The following KCNQ1OT1 variants were observed in gnomAD, a reference collection of about 807,000 sequenced individuals.
The protein encoded by KCNQ1OT1 is KCNQ1 antisense RNA 2 (non-protein coding).
chr11:2,631,456 T>G (rs1849351932), exon 1 of KCNQ1OT1: 2 of 398,312 alleles, frequency 5.0e-6, no homozygotes, highest in East Asian at 3.6e-5. Flanking sequence ...ATTTCTTTAT[T>G]GAATGTCTCC....
At chr11:2,699,612 G>C in exon 1 of KCNQ1OT1, 1 of 354,216 alleles carries the variant, frequency 2.8e-6, no homozygotes, top group South Asian at 1.3e-4. Context: ...AGAGGCCCCC[G>C]GAGAGAACCG....
chr11:2,637,121 C>G (rs1849484439), exon 1 of KCNQ1OT1: 1 of 151,858 alleles, frequency 6.6e-6, no homozygotes, highest in African/African-American at 2.4e-5. Flanking sequence ...TTGATCTTTT[C>G]AAAAAAACCA....
At chr11:2,699,762 C>T (rs534297552) in exon 1 of KCNQ1OT1, 12 of 357,106 alleles carry the variant, frequency 3.4e-5, no homozygotes, top group Non-Finnish European at 9.5e-6. Flanking sequence ...AAGAGCGCCG[C>T]GCTGAGGAGC....
rs1286547460 is a variant in KCNQ1OT1, at chr11:2,645,828, GTTGCCTGAGGATTCAGGGGATGTGTGAA to G, written n.54139_54166del. On this transcript the variant is annotated non_coding_transcript_exon_variant, in exon 1 of 1. Transcript: ENST00000597346. The surrounding 1 kb of genome is among the most constrained non-coding windows in gnomAD (Gnocchi z 5.8). ...GCTATCAAAATGGGACTTTCCTGAA[GTTGCCTGAGGATTCAGGGGATGTGTGAA>G]TTGCCTGAGGATTCAGGGTGATCTC... is the stretch of plus-strand genomic sequence containing the variant. The G allele has an allele frequency of 2.5e-6, 1 of 398,732 alleles. No individual in the cohort carries two copies. The highest frequency in any genetic ancestry group is 3.6e-5 in the East Asian group (1 of 28,078). 24.7% of individuals were successfully genotyped at this position (398,732 alleles called of 1,614,324 possible).
rs1849155098 is a variant in KCNQ1OT1, at chr11:2,620,698, A to G, written n.79297T>C. 1 of 398,452 alleles carries G rather than the reference A, an allele frequency of 2.5e-6. No individual in the cohort carries two copies. The highest frequency in any genetic ancestry group is 1.3e-4 in the South Asian group (1 of 7,866). The allele number at this position is 398,452 out of a possible 1,614,324, so 24.7% of individuals were successfully genotyped here. On this transcript the variant is annotated non_coding_transcript_exon_variant, in exon 1 of 1. Coordinates refer to ENST00000597346, the Ensembl canonical transcript of KCNQ1OT1. The surrounding 1 kb of genome is among the most constrained non-coding windows in gnomAD (Gnocchi z 4.5). ...TAGAACAATTTATTTTCCTTTGAAT[A>G]TATATCCAGTAATGGGATTGCTGGG... is the stretch of plus-strand genomic sequence containing the variant.
exon 1 of KCNQ1OT1, chr11:2,655,144 T>G (rs551300254): frequency 6.0e-5 from 24 of 398,534 alleles, no homozygotes; most frequent in Non-Finnish European, 2.7e-5. Flanking sequence ...GAAAGGAGGA[T>G]GCTGTGCTGA....
rs35931322 is a variant in KCNQ1OT1, at chr11:2,683,128, AG to A, written n.16866del. 231,125 of 398,230 alleles carry A rather than the reference AG, an allele frequency of 0.58. 71,888 individuals carry two copies. Among genetic ancestry groups the A allele is most frequent in the East Asian group, 0.99 (27,891 of 28,068 alleles). The allele number at this position is 398,230 out of a possible 1,614,324, so 24.7% of individuals were successfully genotyped here. On this transcript the variant is annotated non_coding_transcript_exon_variant, in exon 1 of 1. Coordinates refer to ENST00000597346, the Ensembl canonical transcript of KCNQ1OT1. This position sits in a 1 kb window ranked among gnomAD's most constrained non-coding sequence, Gnocchi z 4.7. ...CCAGGATATATCGCACCAACTCAGG[AG>A]GGTGTGGGGATGGGCTAGCATTAGG...
chr11:2,675,598 G>C, exon 1 of KCNQ1OT1: 1 of 398,620 alleles, frequency 2.5e-6, no homozygotes, highest in Middle Eastern at 6.3e-4. Context: ...GATCCCAATT[G>C]CTCCTCAGAT....
exon 1 of KCNQ1OT1, chr11:2,619,697 A>G (rs1283069976): frequency 5.1e-6 from 2 of 392,634 alleles, no homozygotes; most frequent in African/African-American, 2.1e-5. Context: ...GTTAGGAAGT[A>G]TTCCCTTTAG....
At chr11:2,646,328 A>G (rs562928005) in exon 1 of KCNQ1OT1, 7 of 398,378 alleles carry the variant, frequency 1.8e-5, no homozygotes, top group African/African-American at 1.4e-4. Flanking sequence ...TTTTCTTTCA[A>G]TCCATGAGCA....
Position 2,658,571 on chromosome 11 carries a change from C to A in KCNQ1OT1, n.41424G>T. On this transcript the variant is annotated non_coding_transcript_exon_variant, in exon 1 of 1. Transcript: ENST00000597346. This position sits in a 1 kb window ranked among gnomAD's most constrained non-coding sequence, Gnocchi z 4.9. ...CCTAGCCCTAGAATCATCCATTCAT[C>A]CAGAGAGCCCTGGCTCCCTGGAGAA... 2.9e-6 allele frequency: 1 copy of A among 339,408 alleles called. No homozygotes were observed. The highest frequency in any genetic ancestry group is 1.7e-4 in the South Asian group (1 of 5,902). The allele number at this position is 339,408 out of a possible 1,614,324, so 21.0% of individuals were successfully genotyped here.
At chr11:2,688,297 C>G in exon 1 of KCNQ1OT1, 1 of 398,742 alleles carries the variant, frequency 2.5e-6, no homozygotes, top group East Asian at 3.6e-5. Context: ...AAAATGAAGA[C>G]TCTGGAAAAT....
At chr11:2,650,300 G>C in exon 1 of KCNQ1OT1, 2 of 398,344 alleles carry the variant, frequency 5.0e-6, no homozygotes, top group Non-Finnish European at 8.8e-6. Flanking sequence ...GTGTTCTTTT[G>C]GCAAGTCATG....
chr11:2,629,291 T>C, exon 1 of KCNQ1OT1: 1 of 398,392 alleles, frequency 2.5e-6, no homozygotes. Flanking sequence ...GTTTTCAGTG[T>C]CTAGGTCTTT....
At position 2,687,795 on chromosome 11, in the gene KCNQ1OT1, C is replaced by A; in HGVS notation, n.12200G>T. On this transcript the variant is annotated non_coding_transcript_exon_variant, in exon 1 of 1. Transcript: ENST00000597346. The surrounding 1 kb of genome is among the most constrained non-coding windows in gnomAD (Gnocchi z 5.0). ...AGGCCTAACCACACCCCTAAGCCAC[C>A]CAGCCTGGCCCCCCTCCTCTGCCCC... The A allele has an allele frequency of 2.5e-6, 1 of 398,698 alleles. No individual in the cohort carries two copies. The highest frequency in any genetic ancestry group is 2.1e-5 in the African/African-American group (1 of 48,752). 24.7% of individuals were successfully genotyped at this position (398,698 alleles called of 1,614,324 possible). A position where few individuals can be genotyped will look rare whatever the true frequency, so the allele number is the denominator to read the frequency against.
rs866121991 is a variant in KCNQ1OT1, at chr11:2,682,037, C to G, written n.17958G>C. 1.5e-5 allele frequency: 6 copies of G among 398,474 alleles called. No homozygotes were observed. The highest frequency in any genetic ancestry group is 1.2e-3 in the Middle Eastern group (2 of 1,610). The allele number at this position is 398,474 out of a possible 1,614,324, so 24.7% of individuals were successfully genotyped here. A position where few individuals can be genotyped will look rare whatever the true frequency, so the allele number is the denominator to read the frequency against. ...TTTTAACACAAGAATATTATCACTCCTGTTTTATAGATAATCTCCTAAGGG... is the reference window on the plus strand; with the variant it reads ...TTTTAACACAAGAATATTATCACTCGTGTTTTATAGATAATCTCCTAAGGG... On this transcript the variant is annotated non_coding_transcript_exon_variant, in exon 1 of 1. Coordinates refer to ENST00000597346, the Ensembl canonical transcript of KCNQ1OT1. The surrounding 1 kb of genome is among the most constrained non-coding windows in gnomAD (Gnocchi z 5.8).
At chr11:2,633,802 T>C (rs1039537682) in exon 1 of KCNQ1OT1, 5 of 398,504 alleles carry the variant, frequency 1.3e-5, no homozygotes, top group Non-Finnish European at 2.2e-5. Flanking sequence ...CGAGACCCCC[T>C]GTATATACCA....
At chr11:2,633,434 A>G in exon 1 of KCNQ1OT1, 1 of 398,554 alleles carries the variant, frequency 2.5e-6, no homozygotes. Context: ...TCTTACCCAT[A>G]AAATCTTCGC....
At chr11:2,662,651 C>T (rs1160909897) in exon 1 of KCNQ1OT1, 1 of 407,628 alleles carries the variant, frequency 2.5e-6, no homozygotes, top group Non-Finnish European at 4.3e-6. Flanking sequence ...GGTGTGATTC[C>T]CCTGCGACAT....
Sources: gnomAD v4.1 joint callset for allele counts on GRCh38, gnomAD v4.1.1 for gene constraint, Gnocchi (gnomAD v3.1) non-coding constraint, MANE v1.5 for transcripts, NCBI Gene and HGNC (gene_info 2026-07-23, HGNC 2026-07-21) for gene names.